The following SRRM4 variants were observed in gnomAD, a reference collection of about 807,000 sequenced individuals.
SRRM4 encodes serine/arginine repetitive matrix protein 4.
In SRRM4, 33 loss-of-function variants were observed where a neutral mutation model predicts 68.9. That is an observed-to-expected ratio of 0.48 (90% CI 0.36 to 0.64). SRRM4 has a LOEUF of 0.64. Among genes scored for constraint, SRRM4 ranks in the 30% least tolerant of loss-of-function variants. The pLI is 0.00. For synonymous variants in SRRM4, 318 were observed against 318.8 expected (o/e 1.00, Z 0.03); for missense variants, 817 against 827.1 (o/e 0.99, Z 0.15).
At chr12:119,057,941 C>G (rs1281557877) in intron 1 of SRRM4, among the ~76,000 whole-genome samples, 2 of 152,094 alleles carry the variant, frequency 1.3e-5, no homozygotes, top group African/African-American at 4.8e-5. Context: ...AGGCACAAAA[C>G]CATGATCTTC....
chr12:119,023,033 G>A (rs1347728695), intron 1 of SRRM4, among the ~76,000 whole-genome samples: 4 of 152,098 alleles, frequency 2.6e-5, no homozygotes, highest in Admixed American at 6.5e-5. Flanking sequence ...ATTATACTCC[G>A]TACTTTTACC....
chr12:119,067,197 A>C (rs898691637), intron 1 of SRRM4, among the ~76,000 whole-genome samples: 1 of 151,668 alleles, frequency 6.6e-6, no homozygotes, highest in African/African-American at 2.4e-5. Flanking sequence ...CCATCAAATT[A>C]AAACTTTTAC....
chr12:119,153,767 C>G, intron 11 of SRRM4, 118 bp downstream of exon 11: 1 of 704,168 alleles, frequency 1.4e-6, no homozygotes, highest in Non-Finnish European at 2.4e-6. Flanking sequence ...CTGACCCTGA[C>G]TCAGCATTCT....
At chr12:119,096,388 T>C (rs930972568) in intron 1 of SRRM4, among the ~76,000 whole-genome samples, 1 of 152,128 alleles carries the variant, frequency 6.6e-6, no homozygotes, top group African/African-American at 2.4e-5. Flanking sequence ...TGCCAGTTAA[T>C]ATCTCAGGGT....
chr12:119,025,814 T>C (rs968733646), intron 1 of SRRM4, among the ~76,000 whole-genome samples: 3 of 151,920 alleles, frequency 2.0e-5, no homozygotes, highest in Admixed American at 2.0e-4. Context: ...GCATCAGACC[T>C]CCATGAAAAT....
At chr12:119,078,402 C>T (rs1043836061) in intron 1 of SRRM4, among the ~76,000 whole-genome samples, 1 of 152,166 alleles carries the variant, frequency 6.6e-6, no homozygotes, top group African/African-American at 2.4e-5. Flanking sequence ...GTCTGAATGA[C>T]TGGACAACTG....
At chr12:119,042,251 G>C (rs539545046) in intron 1 of SRRM4, among the ~76,000 whole-genome samples, 2 of 151,930 alleles carry the variant, frequency 1.3e-5, no homozygotes, top group East Asian at 3.9e-4. Flanking sequence ...CAGTGAGGTG[G>C]GTGGGCTAAA....
chr12:119,079,458 G>C (rs759110526), intron 1 of SRRM4, among the ~76,000 whole-genome samples: 24 of 152,190 alleles, frequency 1.6e-4, no homozygotes, highest in Admixed American at 3.3e-4. Flanking sequence ...GAAGGCTACA[G>C]TCCAAGATCT....
intron 11 of SRRM4, among the ~76,000 whole-genome samples, chr12:119,153,966 A>G (rs1370448883): frequency 6.6e-6 from 1 of 151,522 alleles, no homozygotes; most frequent in Admixed American, 6.6e-5. Context: ...CGTAACATTC[A>G]CGTCCTCACC....
intron 1 of SRRM4, among the ~76,000 whole-genome samples, chr12:119,023,184 G>A (rs754208062): frequency 6.6e-5 from 10 of 152,188 alleles, no homozygotes; most frequent in Admixed American, 6.5e-4. Context: ...GCAGGATAGT[G>A]GTTAGCAATT....
chr12:119,025,263 T>C (rs1035738287), intron 1 of SRRM4, among the ~76,000 whole-genome samples: 2 of 151,134 alleles, frequency 1.3e-5, no homozygotes, highest in Admixed American at 6.6e-5. Flanking sequence ...CAAACACCAG[T>C]ATGTAAGGGG....
At position 119,074,259 on chromosome 12, in the gene SRRM4, G is replaced by C. The variant is rs531433903; in HGVS notation, c.132-27977G>C. Among the ~76,000 whole-genome samples, 427 of 152,078 alleles carry C rather than the reference G, an allele frequency of 2.8e-3. 3 individuals are homozygous for C. The highest frequency in any genetic ancestry group is 4.8e-3 in the Non-Finnish European group (329 of 68,006). ...TTCTGATGTTCCTGTCCCCATGCAG[G>C]CCCCTTTACCCACATTATCTCATTC... On this transcript the variant is annotated intron_variant, in intron 1 of 12. Coordinates refer to ENST00000267260, the MANE Select transcript of SRRM4 (RefSeq NM_194286.4).
intron 2 of SRRM4, among the ~76,000 whole-genome samples, chr12:119,108,819 C>A (rs1954124602): frequency 6.6e-6 from 1 of 152,156 alleles, no homozygotes; most frequent in African/African-American, 2.4e-5. Context: ...AGCCCATTTA[C>A]ATTTTAAGGT....
At chr12:119,039,967 G>A (rs1224492617) in intron 1 of SRRM4, among the ~76,000 whole-genome samples, 1 of 152,058 alleles carries the variant, frequency 6.6e-6, no homozygotes, top group Non-Finnish European at 1.5e-5. Flanking sequence ...TCCATTCTCT[G>A]ACTACTTGGA....
intron 1 of SRRM4, among the ~76,000 whole-genome samples, chr12:119,088,391 C>G (rs767694089): frequency 6.6e-6 from 1 of 152,140 alleles, no homozygotes; most frequent in Non-Finnish European, 1.5e-5. Context: ...ATCCACAGGG[C>G]TCCTCACCAA....
intron 1 of SRRM4, among the ~76,000 whole-genome samples, chr12:119,067,579 G>A (rs899058833): frequency 1.5e-4 from 23 of 152,220 alleles, no homozygotes; most frequent in African/African-American, 5.3e-4. Flanking sequence ...ACAGTGGCGC[G>A]TGCCTGTAAT....
rs1489185970 is a variant in SRRM4 at position 119,158,930 on chromosome 12, CA to C, written c.*2133del. The stretch of plus-strand genomic sequence containing the variant: ...TTTGATGACTGTCTCTCTTTCTCGC[CA>C]TTAGCAGTATTGAATTATTTATTTA... On this transcript the variant is annotated 3_prime_UTR_variant, in exon 13 of 13. Coordinates refer to ENST00000267260, the MANE Select transcript of SRRM4 (RefSeq NM_194286.4). The C allele has an allele frequency of 3.4e-5, 5 of 148,612 alleles. No homozygotes were observed. Among genetic ancestry groups the C allele is most frequent in the Non-Finnish European group, 7.4e-5 (5 of 67,312 alleles). The allele number at this position is 148,612 out of a possible 1,614,324, so 9.2% of individuals were successfully genotyped here.
Position 119,065,208 on chromosome 12 carries a change from G to A in SRRM4, c.132-37028G>A, listed in dbSNP as rs1953838069. Among the ~76,000 whole-genome samples, 4 of 152,140 alleles carry A rather than the reference G, an allele frequency of 2.6e-5. No homozygotes were observed. In the South Asian group the frequency reaches 8.3e-4, roughly 32 times the overall value. Reference sequence around the variant, plus strand: ...TACCTCAGATCTGTCCAGCTCCAGAGCCTCAATTCTAAATCTCTTGTCTCC... The same window carrying A: ...TACCTCAGATCTGTCCAGCTCCAGAACCTCAATTCTAAATCTCTTGTCTCC... On this transcript the variant is annotated intron_variant, in intron 1 of 12. Transcript: ENST00000267260.
intron 1 of SRRM4, among the ~76,000 whole-genome samples, chr12:118,987,760 T>G (rs1234906812): frequency 6.6e-6 from 1 of 152,114 alleles, no homozygotes; most frequent in East Asian, 1.9e-4. Flanking sequence ...AAATGATAGG[T>G]TTTTTCGTTA....
Sources: allele counts gnomAD v4.1 joint callset (sites outside exome capture counted in the v4.1 genomes callset), GRCh38; gene constraint gnomAD v4.1.1; transcripts MANE v1.5; gene names NCBI Gene and HGNC (gene_info 2026-07-23, HGNC 2026-07-21).